Variants in EPHA4 observed in about 807,000 individuals in gnomAD.
The protein encoded by EPHA4 is EPH receptor A4, also known as ephrin type-A receptor 4.
Under a neutral mutation model 108.3 loss-of-function variants are expected in EPHA4, and 19 were observed. The observed-to-expected ratio is 0.18, with a 90% confidence interval of 0.12 to 0.26. The LOEUF is 0.26. Among genes scored for constraint, EPHA4 ranks in the 10% least tolerant of loss-of-function variants. EPHA4 has a pLI of 1.00. For synonymous variants in EPHA4, 449 were observed against 455.5 expected (o/e 0.99, Z 0.18); for missense variants, 917 against 1,254.0 (o/e 0.73, Z 4.06).
In EPHA4 at chr2:221,426,527, T is replaced by C. The variant is rs2106089087; in HGVS notation, c.2783A>G (p.Tyr928Cys). ...ACCAGCAGCTGTGAAGTTATCCTTA[T>C]ACCGGTCCATTTTAATGGCCTGGAG... ...DWLQAIKMDR[Y>C]KDNFTAAGYT... The change falls in exon 16 of 18, where the codon TAT becomes TGT. Residue 928 changes from tyrosine to cysteine, a missense_variant. This residue lies in a region of EPHA4 where 133 missense variants were observed against 132.8 expected (regional missense o/e 1.00). Transcript: ENST00000281821. 2 of 1,614,166 alleles carry C rather than the reference T, an allele frequency of 1.2e-6. No individual in the cohort carries two copies. Among genetic ancestry groups the C allele is most frequent in the Non-Finnish European group, 1.7e-6 (2 of 1,180,020 alleles).
chr2:221,426,495 T>C lies in EPHA4; in HGVS notation c.2815A>G (p.Thr939Ala). 1 of 1,613,020 alleles carries C rather than the reference T, an allele frequency of 6.2e-7. No individual in the cohort carries two copies. Among genetic ancestry groups the C allele is most frequent in the South Asian group, 1.1e-5 (1 of 90,630 alleles). ...TTCACGTGCACCACAGCCTCTAGTG[T>C]GGTATAACCAGCAGCTGTGAAGTTA... The part of the protein sequence containing the change: ...KDNFTAAGYT[T>A]LEAVVHVNQE... The change falls in exon 16 of 18, where the codon ACA (threonine) becomes GCA (alanine). Residue 939 changes from threonine (T) to alanine (A), a missense_variant. This residue lies in a region of EPHA4 where 133 missense variants were observed against 132.8 expected (regional missense o/e 1.00). Coordinates refer to ENST00000281821, the MANE Select transcript of EPHA4 (RefSeq NM_004438.5).
In EPHA4 at chr2:221,566,879, AGAAGGAGAAGGAGAAGG is replaced by A. The variant is rs1694660643; in HGVS notation, c.159+1822_159+1838del. Among the ~76,000 whole-genome samples, 2 of 23,108 alleles carry A rather than the reference AGAAGGAGAAGGAGAAGG, an allele frequency of 8.7e-5. 1 individual carries two copies. The highest frequency in any genetic ancestry group is 9.3e-4 in the Admixed American group (2 of 2,140). 15.2% of individuals were successfully genotyped at this position (23,108 alleles called of 152,430 possible). A position where few individuals can be genotyped will look rare whatever the true frequency, so the allele number is the denominator to read the frequency against. On this transcript the variant is annotated intron_variant, in intron 2 of 17. Coordinates refer to ENST00000281821, the MANE Select transcript of EPHA4 (RefSeq NM_004438.5). ...GAGAAGAAGAAGAAGAAGAAGAAGG[AGAAGGAGAAGGAGAAGG>A]AGAAGGAGAAGGAGAAGGAGAAGGA...
At chr2:221,531,910 C>T (rs561641868) in intron 3 of EPHA4, among the ~76,000 whole-genome samples, 1 of 152,234 alleles carries the variant, frequency 6.6e-6, no homozygotes, top group South Asian at 2.1e-4. Context: ...AAAGGGATGA[C>T]TGAATGAGAG....
At chr2:221,562,316 A>G (rs1336429242) in intron 3 of EPHA4, among the ~76,000 whole-genome samples, 1 of 152,074 alleles carries the variant, frequency 6.6e-6, no homozygotes, top group Non-Finnish European at 1.5e-5. Context: ...TCCTAGAAAT[A>G]ACTATAGCTA....
intron 5 of EPHA4, among the ~76,000 whole-genome samples, chr2:221,461,440 A>G (rs1691140474): frequency 8.0e-6 from 1 of 124,632 alleles, no homozygotes. Flanking sequence ...GCTCTGACCA[A>G]TCAATGCCTA....
intron 3 of EPHA4, among the ~76,000 whole-genome samples, chr2:221,553,840 T>C (rs1694230192): frequency 6.6e-6 from 1 of 152,202 alleles, no homozygotes; most frequent in Non-Finnish European, 1.5e-5. Flanking sequence ...TTGCCTTCTA[T>C]TAAGAATTGA....
intron 3 of EPHA4, among the ~76,000 whole-genome samples, chr2:221,507,711 C>T: frequency 6.6e-6 from 1 of 152,198 alleles, no homozygotes; most frequent in East Asian, 1.9e-4. Flanking sequence ...GAGATAAAGA[C>T]AGAGACAACA....
intron 3 of EPHA4, among the ~76,000 whole-genome samples, chr2:221,537,137 A>G (rs1373381283): frequency 6.6e-6 from 1 of 152,200 alleles, no homozygotes; most frequent in Non-Finnish European, 1.5e-5. Context: ...GCTCAGTTTT[A>G]GGCTCTGAGA....
chr2:221,538,382 A>T (rs1258148278), intron 3 of EPHA4, among the ~76,000 whole-genome samples: 1 of 152,228 alleles, frequency 6.6e-6, no homozygotes. Context: ...ATGCAATGAG[A>T]GTAACTAGTA....
intron 6 of EPHA4, among the ~76,000 whole-genome samples, 156 bp from the exon 7 acceptor site, chr2:221,456,928 A>T (rs1301461316): frequency 6.6e-6 from 1 of 152,232 alleles, no homozygotes; most frequent in Non-Finnish European, 1.5e-5. Flanking sequence ...CTTGGATGTT[A>T]TAAGTACTAT....
rs1330990969 is a variant in EPHA4 at position 221,482,495 on chromosome 2, C to A, written c.1175G>T (p.Gly392Val). 4 of 1,614,030 alleles carry A rather than the reference C, an allele frequency of 2.5e-6. No individual in the cohort carries two copies. The highest frequency in any genetic ancestry group is 1.7e-5 in the Admixed American group (1 of 60,002). The change falls in exon 5 of 18, where the codon GGC becomes GTC. Residue 392 changes from glycine to valine, a missense_variant. By Grantham distance (109) the Gly-to-Val change is moderately radical. Transcript: ENST00000281821. ...SGVHYTPQQN[G>V]LKTTKVSITD... Reference sequence around the variant, plus strand: ...GATGGAGACTTTGGTGGTCTTCAAGCCATTCTGCTGTGGGGTGTAGTGGAC... The same window carrying A: ...GATGGAGACTTTGGTGGTCTTCAAGACATTCTGCTGTGGGGTGTAGTGGAC...
chr2:221,572,986 A>T (rs1379826252), upstream of EPHA4: 1 of 152,252 alleles, frequency 6.6e-6, no homozygotes, highest in African/African-American at 2.4e-5. Flanking sequence ...GTCTCCAGAG[A>T]CTGAACGAAT....
At chr2:221,513,970 GC>G (rs1213736167) in intron 3 of EPHA4, among the ~76,000 whole-genome samples, 1 of 152,098 alleles carries the variant, frequency 6.6e-6, no homozygotes, top group Non-Finnish European at 1.5e-5. Flanking sequence ...AGGGATGGTA[GC>G]AAAGATGAGA....
At chr2:221,488,286 T>C (rs1692035119) in intron 4 of EPHA4, among the ~76,000 whole-genome samples, 1 of 152,200 alleles carries the variant, frequency 6.6e-6, no homozygotes, top group South Asian at 2.1e-4. Flanking sequence ...GAATTCTGCA[T>C]GTAATTCCAG....
At position 221,443,477 on chromosome 2, in the gene EPHA4, A is replaced by G; in HGVS notation, c.1888+16T>C. On this transcript the variant is annotated intron_variant, in intron 10 of 17. Transcript: ENST00000281821. ...AGAAAACAGACTCATTAGCAGACGGACACTCAGACACTTACCAACTCCTAT... is the reference window on the plus strand; with the variant it reads ...AGAAAACAGACTCATTAGCAGACGGGCACTCAGACACTTACCAACTCCTAT... 1.3e-6 allele frequency: 2 copies of G among 1,574,226 alleles called. No individual in the cohort carries two copies. Among genetic ancestry groups the G allele is most frequent in the South Asian group, 2.2e-5 (2 of 89,758 alleles).
chr2:221,499,905 C>A (rs1403913673), intron 4 of EPHA4, among the ~76,000 whole-genome samples: 3 of 150,672 alleles, frequency 2.0e-5, no homozygotes, highest in Non-Finnish European at 3.0e-5. Flanking sequence ...TTATAGGCAC[C>A]ACCCACCATG....
At chr2:221,488,651 A>G (rs895320345) in intron 4 of EPHA4, among the ~76,000 whole-genome samples, 1 of 152,222 alleles carries the variant, frequency 6.6e-6, no homozygotes, top group East Asian at 1.9e-4. Flanking sequence ...GACAGCATTA[A>G]GCCCCAAAGA....
chr2:221,478,449 G>A lies in EPHA4; in HGVS notation c.1318+3903C>T, dbSNP rs148072826. Among the ~76,000 whole-genome samples the A allele has an allele frequency of 1.7e-3, 253 of 152,200 alleles. 3 individuals carry two copies. The East Asian group carries it at 0.021, about 13-fold the overall frequency. Reference sequence around the variant, plus strand: ...CTTCTAAACAAAAGACAAAACAGTCGCTACAGGATGAAAGATGAAGGAAAC... The same window carrying A: ...CTTCTAAACAAAAGACAAAACAGTCACTACAGGATGAAAGATGAAGGAAAC... On this transcript the variant is annotated intron_variant, in intron 5 of 17. Transcript: ENST00000281821.
At chr2:221,442,736 T>C in intron 11 of EPHA4, 93 bp downstream of exon 11, 1 of 1,304,552 alleles carries the variant, frequency 7.7e-7, no homozygotes, top group Non-Finnish European at 1.1e-6. Context: ...AATCAGTGGG[T>C]CTGCGCCATC....
Sources: gnomAD v4.1 joint callset for allele counts (sites outside exome capture counted in the v4.1 genomes callset) on GRCh38, gnomAD v4.1.1 for gene constraint, gnomAD v4.1.1 regional missense constraint, MANE v1.5 for transcripts, NCBI Gene and HGNC (gene_info 2026-07-23, HGNC 2026-07-21) for gene names.